The following ACOT12 variants were observed in gnomAD, a reference collection of about 807,000 sequenced individuals.
ACOT12 encodes acetyl-coenzyme A thioesterase.
In ACOT12, 51 loss-of-function variants were observed where a neutral mutation model predicts 67.7. That is an observed-to-expected ratio of 0.75 (90% CI 0.60 to 0.95). The LOEUF (loss-of-function observed/expected upper bound fraction) is 0.95. Among genes scored for constraint, ACOT12 ranks in the 40% least tolerant of loss-of-function variants. ACOT12 has a pLI of 0.00. For synonymous variants in ACOT12, 251 were observed against 244.6 expected, an observed-to-expected ratio of 1.03 and a Z score of -0.24; for missense variants, 734 against 708.1, an observed-to-expected ratio of 1.04 and a Z score of -0.41.
rs1389223532 is a variant in ACOT12, at chr5:81,389,955, A to T, written c.127+4033T>A. 5.5e-4 allele frequency among the ~76,000 whole-genome samples: 71 copies of T among 129,532 alleles called. 1 individual carries two copies. Among genetic ancestry groups the T allele is most frequent in the African/African-American group, 1.4e-3 (49 of 35,058 alleles). The allele number at this position is 129,532 out of a possible 152,430, so 85.0% of individuals were successfully genotyped here. ...CTCTGACACTTTATTTTATTTATGT[A>T]TTTTTTTTTTTTTTTTTGAGACAGG... On this transcript the variant is annotated intron_variant, in intron 1 of 14. Coordinates refer to ENST00000307624, the MANE Select transcript of ACOT12 (RefSeq NM_130767.3).
chr5:81,385,840 A>G lies in ACOT12; in HGVS notation c.128-14T>C. On this transcript the variant is annotated splice_polypyrimidine_tract_variant and intron_variant, in intron 1 of 14. Transcript: ENST00000307624. Reference sequence around the variant, plus strand: ...CATGTTTCTCAGCTTCAAAAAATACATAAAAATGTGCTGCTTTAGTGGTGA... The same window carrying G: ...CATGTTTCTCAGCTTCAAAAAATACGTAAAAATGTGCTGCTTTAGTGGTGA... 3 of 1,612,742 alleles carry G rather than the reference A, an allele frequency of 1.9e-6. No individual in the cohort carries two copies. The highest frequency in any genetic ancestry group is 2.5e-6 in the Non-Finnish European group (3 of 1,179,008).
chr5:81,333,399 T>C (rs1481752144), intron 12 of ACOT12, among the ~76,000 whole-genome samples: 1 of 152,168 alleles, frequency 6.6e-6, no homozygotes, highest in African/African-American at 2.4e-5. Flanking sequence ...ATAAGTTGCG[T>C]TAGGCAAGTC....
At chr5:81,375,206 A>G (rs1232944476) in intron 2 of ACOT12, among the ~76,000 whole-genome samples, 2 of 152,206 alleles carry the variant, frequency 1.3e-5, no homozygotes, top group Non-Finnish European at 2.9e-5. Flanking sequence ...TAAAGAAAAG[A>G]ATTTTCAACC....
chr5:81,347,882 G>A lies in ACOT12; in HGVS notation c.545C>T (p.Ser182Phe), dbSNP rs1759430926. 8 of 1,614,138 alleles carry A rather than the reference G, an allele frequency of 5.0e-6. No homozygotes were observed. The highest frequency in any genetic ancestry group is 5.9e-6 in the Non-Finnish European group (7 of 1,180,012). Reference protein sequence around the residue: ...EEGAVSTRGTSVQSIELVLPP... With the variant: ...EEGAVSTRGTFVQSIELVLPP... ...GAGGACCAGTTCAATGCTCTGAACG[G>A]AGGTGCCCCTTGTGGAAACCGCTCC... The change falls in exon 6 of 15, where the codon TCC becomes TTC. Residue 182 changes from serine (S) to phenylalanine (F), a missense_variant. Ser to Phe is a radical substitution (Grantham distance 155, BLOSUM62 -2). Coordinates refer to ENST00000307624, the MANE Select transcript of ACOT12 (RefSeq NM_130767.3).
At chr5:81,330,590 A>G in intron 14 of ACOT12, 47 bp from the exon 15 acceptor site, 2 of 1,595,072 alleles carry the variant, frequency 1.3e-6, no homozygotes, top group Non-Finnish European at 1.7e-6. Context: ...ATTGACTTGG[A>G]GCTTTTTCAA....
chr5:81,383,135 A>G (rs1760634019), intron 2 of ACOT12, among the ~76,000 whole-genome samples: 1 of 151,992 alleles, frequency 6.6e-6, no homozygotes, highest in South Asian at 2.1e-4. Flanking sequence ...TGGCAGGCGC[A>G]TGTAATCCCA....
At chr5:81,367,413 C>T (rs946045987) in intron 3 of ACOT12, among the ~76,000 whole-genome samples, 6 of 151,988 alleles carry the variant, frequency 3.9e-5, no homozygotes, top group African/African-American at 9.7e-5. Context: ...ATGACAATAA[C>T]GGCACAAAGG....
chr5:81,365,299 T>A (rs115003728), intron 3 of ACOT12, among the ~76,000 whole-genome samples: 3,208 of 152,288 alleles, frequency 0.021, 123 homozygotes, highest in African/African-American at 0.073. Context: ...TAATCAATAA[T>A]CTATGACTCA....
At chr5:81,362,074 G>A (rs368823889) in intron 4 of ACOT12, among the ~76,000 whole-genome samples, 22 of 151,904 alleles carry the variant, frequency 1.4e-4, no homozygotes, top group African/African-American at 5.3e-4. Context: ...AACCAATTAT[G>A]TTAGCACCAT....
chr5:81,336,316 A>G (rs1580531609), intron 11 of ACOT12, among the ~76,000 whole-genome samples: 1 of 152,206 alleles, frequency 6.6e-6, no homozygotes, highest in East Asian at 1.9e-4. Flanking sequence ...GCTATAGCTT[A>G]GGACACTTTC....
intron 2 of ACOT12, among the ~76,000 whole-genome samples, chr5:81,375,610 A>T (rs1760387230): frequency 6.6e-6 from 1 of 152,120 alleles, no homozygotes; most frequent in Non-Finnish European, 1.5e-5. Context: ...GTGCAAAGAC[A>T]TACATAGGCT....
chr5:81,343,118 C>T (rs1035094023), intron 10 of ACOT12, among the ~76,000 whole-genome samples: 3 of 151,812 alleles, frequency 2.0e-5, no homozygotes, highest in African/African-American at 4.8e-5. Context: ...CACCGGGAGG[C>T]GGAGGTTGCA....
At chr5:81,382,508 T>C (rs1260917951) in intron 2 of ACOT12, among the ~76,000 whole-genome samples, 1 of 152,082 alleles carries the variant, frequency 6.6e-6, no homozygotes, top group African/African-American at 2.4e-5. Context: ...GTAAGAATAA[T>C]AACATTGCCC....
chr5:81,335,935 A>C, intron 11 of ACOT12, 34 bp from the exon 12 acceptor site: 1 of 1,584,308 alleles, frequency 6.3e-7, no homozygotes, highest in Non-Finnish European at 8.6e-7. Flanking sequence ...ATTACGAAAG[A>C]AAACTGATGC....
the ACOT12 span, chr5:81,308,647 T>C: frequency 1.2e-6 from 2 of 1,614,002 alleles, no homozygotes; most frequent in Non-Finnish European, 8.5e-7. Flanking sequence ...CTGGGATATG[T>C]TACAGGTGTG....
At chr5:81,372,629 T>G (rs1213125627) in intron 2 of ACOT12, among the ~76,000 whole-genome samples, 1 of 152,216 alleles carries the variant, frequency 6.6e-6, no homozygotes, top group Non-Finnish European at 1.5e-5. Flanking sequence ...TCCCTGAATC[T>G]CCATCAGTCT....
downstream of ACOT12, among the ~76,000 whole-genome samples, chr5:81,329,088 A>C (rs1025182781): frequency 1.3e-5 from 2 of 152,182 alleles, no homozygotes; most frequent in African/African-American, 4.8e-5. Context: ...TTTATGTCTC[A>C]GAGTGATCCA....
chr5:81,358,576 A>C (rs1259109252), intron 5 of ACOT12, among the ~76,000 whole-genome samples: 1 of 152,230 alleles, frequency 6.6e-6, no homozygotes, highest in African/African-American at 2.4e-5. Flanking sequence ...TGGGCTGGGC[A>C]CAGTGGCTCA....
At chr5:81,323,491 T>C in the ACOT12 span, among the ~76,000 whole-genome samples, 1 of 152,186 alleles carries the variant, frequency 6.6e-6, no homozygotes, top group East Asian at 1.9e-4. Flanking sequence ...GAAAGTCCAT[T>C]GCAAAAATAC....
Sources: allele counts gnomAD v4.1 joint callset (sites outside exome capture counted in the v4.1 genomes callset), GRCh38; gene constraint gnomAD v4.1.1; transcripts MANE v1.5; gene names NCBI Gene and HGNC (gene_info 2026-07-23, HGNC 2026-07-21).